Variants in KCNMB4 observed in about 807,000 individuals in gnomAD.
The protein encoded by KCNMB4 is potassium calcium-activated channel subfamily M regulatory beta subunit 4, also known as calcium-activated potassium channel subunit beta-4.
KCNMB4 carries 3 observed loss-of-function variants against 20.7 expected under a neutral mutation model. That is an observed-to-expected ratio of 0.14 (90% CI 0.07 to 0.37). The LOEUF (loss-of-function observed/expected upper bound fraction) is 0.37. Among genes scored for constraint, KCNMB4 ranks in the 10% least tolerant of loss-of-function variants. The pLI, the probability that KCNMB4 is intolerant of heterozygous loss-of-function variation, is 1.00. For synonymous variants in KCNMB4, 110 were observed against 113.4 expected (o/e 0.97, Z 0.19); for missense variants, 168 against 265.9 (o/e 0.63, Z 2.56).
chr12:70,419,948 C>T (rs912992140), intron 2 of KCNMB4, among the ~76,000 whole-genome samples: 57 of 152,174 alleles, frequency 3.7e-4, no homozygotes, highest in African/African-American at 1.3e-3. Context: ...TATTTCATAA[C>T]GTGTGCTAAT....
chr12:70,383,608 A>C (rs915555189), intron 1 of KCNMB4, among the ~76,000 whole-genome samples: 1 of 152,306 alleles, frequency 6.6e-6, no homozygotes, highest in Admixed American at 6.5e-5. Flanking sequence ...GCTCCCCTGA[A>C]GGCTCTAGAA....
chr12:70,429,989 T>C (rs1869316885), intron 2 of KCNMB4, among the ~76,000 whole-genome samples: 1 of 152,032 alleles, frequency 6.6e-6, no homozygotes, highest in Non-Finnish European at 1.5e-5. Context: ...GCCCTGAGAA[T>C]TACACCAGCT....
intron 1 of KCNMB4, among the ~76,000 whole-genome samples, chr12:70,393,263 C>T (rs931054326): frequency 6.6e-5 from 10 of 151,980 alleles, no homozygotes; most frequent in African/African-American, 2.2e-4. Flanking sequence ...AGTGCAGTGG[C>T]GCGATCTCGG....
chr12:70,389,117 T>G (rs899947007), intron 1 of KCNMB4, among the ~76,000 whole-genome samples: 66 of 152,292 alleles, frequency 4.3e-4, no homozygotes, highest in African/African-American at 1.5e-3. Flanking sequence ...CTCTCTTTAT[T>G]CTTTAAATAA....
At position 70,369,835 on chromosome 12, in the gene KCNMB4, A is replaced by G. The variant is rs1883559346; in HGVS notation, c.336+2765A>G. Among the ~76,000 whole-genome samples, 5 of 152,294 alleles carry G rather than the reference A, an allele frequency of 3.3e-5. No individual in the cohort carries two copies. In the South Asian group the frequency reaches 1.0e-3, roughly 32 times the overall value. ...ATCCTTATTGTCTAAAGCAATCACT[A>G]TATCCAGTCTTGTAATAGAGTATTC... is the stretch of plus-strand genomic sequence containing the variant. On this transcript the variant is annotated intron_variant, in intron 1 of 2. Coordinates refer to ENST00000258111, the MANE Select transcript of KCNMB4 (RefSeq NM_014505.6).
chr12:70,414,642 C>G (rs1376770895), intron 2 of KCNMB4, among the ~76,000 whole-genome samples: 2 of 152,184 alleles, frequency 1.3e-5, no homozygotes, highest in Non-Finnish European at 2.9e-5. Flanking sequence ...CAGTTAACGA[C>G]ATGGCATGAG....
At chr12:70,367,625 C>T (rs1883519013) in intron 1 of KCNMB4, among the ~76,000 whole-genome samples, 1 of 151,966 alleles carries the variant, frequency 6.6e-6, no homozygotes, top group Non-Finnish European at 1.5e-5. Flanking sequence ...TGACAAACGA[C>T]CCGGAATCAA....
chr12:70,401,490 G>A (rs1868448720), intron 2 of KCNMB4, among the ~76,000 whole-genome samples: 1 of 152,142 alleles, frequency 6.6e-6, no homozygotes, highest in Non-Finnish European at 1.5e-5. Context: ...GTACTGCCAA[G>A]GTAATCTTTC....
At chr12:70,391,307 A>AT (rs1291595655) in intron 1 of KCNMB4, among the ~76,000 whole-genome samples, 18 of 135,958 alleles carry the variant, frequency 1.3e-4, no homozygotes, top group Admixed American at 2.7e-4. Flanking sequence ...TTTATTTATT[A>AT]TTATTTTTTT....
At chr12:70,421,202 T>G (rs1869043643) in intron 2 of KCNMB4, among the ~76,000 whole-genome samples, 1 of 152,090 alleles carries the variant, frequency 6.6e-6, no homozygotes, top group Admixed American at 6.5e-5. Flanking sequence ...TGTAGAAAAC[T>G]GCTTCCCAGC....
chr12:70,387,314 T>A (rs1241489727), intron 1 of KCNMB4, among the ~76,000 whole-genome samples: 1 of 152,130 alleles, frequency 6.6e-6, no homozygotes, highest in Non-Finnish European at 1.5e-5. Flanking sequence ...GGTATCTAGT[T>A]TGTTTGAACA....
chr12:70,429,242 G>A (rs780478138), intron 2 of KCNMB4, among the ~76,000 whole-genome samples: 2 of 152,188 alleles, frequency 1.3e-5, no homozygotes, highest in Non-Finnish European at 2.9e-5. Context: ...GTTCTTAAGG[G>A]CAGTTGGACT....
rs1883694443 is a variant in KCNMB4 at position 70,376,762 on chromosome 12, C to T, written c.336+9692C>T. 1.3e-5 allele frequency among the ~76,000 whole-genome samples: 2 copies of T among 150,058 alleles called. 1 individual carries two copies. Among genetic ancestry groups the T allele is most frequent in the Admixed American group, 1.3e-4 (2 of 15,072 alleles). On this transcript the variant is annotated intron_variant, in intron 1 of 2. Coordinates refer to ENST00000258111, the MANE Select transcript of KCNMB4 (RefSeq NM_014505.6). The stretch of plus-strand genomic sequence containing the variant: ...TGGCACGTGCCTGTAGTCCCAGCAA[C>T]TTGGGAGGCTGAAGTGGGAGGATCA...
At chr12:70,389,167 G>A (rs1282991013) in intron 1 of KCNMB4, among the ~76,000 whole-genome samples, 1 of 151,882 alleles carries the variant, frequency 6.6e-6, no homozygotes, top group Non-Finnish European at 1.5e-5. Flanking sequence ...TTAATATTGA[G>A]TGCTCAACTT....
intron 1 of KCNMB4, among the ~76,000 whole-genome samples, chr12:70,373,978 C>T (rs1182843738): frequency 6.6e-6 from 1 of 152,282 alleles, no homozygotes; most frequent in Admixed American, 6.5e-5. Flanking sequence ...GGTGACAGAG[C>T]AAGACTCCAT....
At chr12:70,395,041 A>G (rs1005489230) in intron 1 of KCNMB4, among the ~76,000 whole-genome samples, 1 of 152,118 alleles carries the variant, frequency 6.6e-6, no homozygotes, top group Non-Finnish European at 1.5e-5. Flanking sequence ...TCATACTGTC[A>G]AAAGTATCAC....
In KCNMB4 at chr12:70,417,291, A is replaced by G. The variant is rs138552494; in HGVS notation, c.465-13194A>G. Among the ~76,000 whole-genome samples, 29 of 152,318 alleles carry G rather than the reference A, an allele frequency of 1.9e-4. 1 individual carries two copies. The East Asian group carries it at 5.2e-3, about 27-fold the overall frequency. On this transcript the variant is annotated intron_variant, in intron 2 of 2. Transcript: ENST00000258111. ...GTTCACCTGTTTGGCCCCATTTAGT[A>G]TTGGCTTAACCAGGCGCTGGCAGCA... is the stretch of plus-strand genomic sequence containing the variant.
intron 2 of KCNMB4, among the ~76,000 whole-genome samples, chr12:70,425,278 C>T (rs1055235055): frequency 2.6e-5 from 4 of 151,752 alleles, no homozygotes; most frequent in East Asian, 3.9e-4. Context: ...CTACTAAAAA[C>T]ACAAAAAAAA....
chr12:70,422,011 T>C (rs1869079237), intron 2 of KCNMB4, among the ~76,000 whole-genome samples: 1 of 152,180 alleles, frequency 6.6e-6, no homozygotes. Flanking sequence ...CGCTGTTTTT[T>C]TCTCCAAATG....
Sources: allele counts gnomAD v4.1 joint callset (sites outside exome capture counted in the v4.1 genomes callset), GRCh38; gene constraint gnomAD v4.1.1; transcripts MANE v1.5; gene names NCBI Gene and HGNC (gene_info 2026-07-23, HGNC 2026-07-21).